Variants in PPARGC1B observed in about 807,000 individuals in gnomAD.
PPARGC1B encodes PPARG coactivator 1 beta, also known as peroxisome proliferator-activated receptor gamma coactivator 1-beta.
Under a neutral mutation model 101.6 loss-of-function variants are expected in PPARGC1B, and 34 were observed. The ratio of observed to expected loss-of-function variants is 0.33; its 90% confidence interval spans 0.25 to 0.45. PPARGC1B has a LOEUF of 0.45. Among genes scored for constraint, PPARGC1B ranks in the 20% least tolerant of loss-of-function variants. PPARGC1B has a pLI of 1.00. For synonymous variants in PPARGC1B, 548 were observed against 539.3 expected (o/e 1.02, Z -0.22); for missense variants, 1,234 against 1,317.6 (o/e 0.94, Z 0.98).
chr5:149,826,780 C>G lies in PPARGC1B; in HGVS notation c.360C>G (p.Asp120Glu). The change falls in exon 3 of 12, where the codon GAC becomes GAG. Residue 120 changes from aspartate to glutamate, a missense_variant. Around this residue, in one of 3 missense-constraint regions of PPARGC1B, gnomAD observed 734 missense variants for 768.4 expected, o/e 0.96. Transcript: ENST00000309241. ...LAAFPALDGG[D>E]ALSCTSASPA... ...CCTTCCCAGCCCTGGATGGTGGAGA[C>G]GCTCTATCATGCACCTCAGCTTCGC... 6.2e-7 allele frequency: 1 copy of G among 1,613,814 alleles called. No individual in the cohort carries two copies. Among genetic ancestry groups the G allele is most frequent in the Non-Finnish European group, 8.5e-7 (1 of 1,179,774 alleles).
chr5:149,749,127 G>A (rs751078776), intron 1 of PPARGC1B, among the ~76,000 whole-genome samples: 15 of 152,108 alleles, frequency 9.9e-5, no homozygotes, highest in Admixed American at 9.2e-4. Flanking sequence ...AGCAGGAATC[G>A]GTGGGGCCAG....
intron 1 of PPARGC1B, chr5:149,772,158 G>T (rs753791170): frequency 3.1e-6 from 5 of 1,607,810 alleles, no homozygotes; most frequent in Admixed American, 1.7e-5. Flanking sequence ...TGGGCCAGAG[G>T]TTGTTTAGGT....
intron 1 of PPARGC1B, among the ~76,000 whole-genome samples, chr5:149,778,556 G>T (rs1428655634): frequency 6.6e-6 from 1 of 152,072 alleles, no homozygotes; most frequent in Non-Finnish European, 1.5e-5. Flanking sequence ...AGCTGCTTGC[G>T]GCTGCCATTG....
intron 1 of PPARGC1B, among the ~76,000 whole-genome samples, chr5:149,819,785 G>A (rs1265043782): frequency 1.3e-5 from 2 of 152,220 alleles, no homozygotes. Flanking sequence ...TTACAGGCAT[G>A]AGCCACCATG....
chr5:149,732,342 G>A (rs538920235), intron 1 of PPARGC1B, among the ~76,000 whole-genome samples: 1 of 152,340 alleles, frequency 6.6e-6, no homozygotes, highest in East Asian at 1.9e-4. Context: ...CTGAAAAGCG[G>A]ATGAGAGAGG....
chr5:149,794,925 G>T (rs1757156230), intron 1 of PPARGC1B, among the ~76,000 whole-genome samples: 1 of 152,226 alleles, frequency 6.6e-6, no homozygotes, highest in Non-Finnish European at 1.5e-5. Context: ...CTGTGAGGGG[G>T]CCATTGCCCC....
At chr5:149,838,169 T>A (rs1408145473) in intron 8 of PPARGC1B, among the ~76,000 whole-genome samples, 1 of 152,232 alleles carries the variant, frequency 6.6e-6, no homozygotes, top group African/African-American at 2.4e-5. Context: ...TTTATGTTTA[T>A]ACATCTACAA....
intron 2 of PPARGC1B, among the ~76,000 whole-genome samples, chr5:149,824,708 G>A (rs936787420): frequency 6.6e-6 from 1 of 152,158 alleles, no homozygotes; most frequent in Non-Finnish European, 1.5e-5. Flanking sequence ...AGGGTTGAAG[G>A]AGACTTGTGG....
chr5:149,810,286 C>A (rs1402159704), intron 1 of PPARGC1B, among the ~76,000 whole-genome samples: 2 of 152,256 alleles, frequency 1.3e-5, no homozygotes, highest in Non-Finnish European at 2.9e-5. Context: ...GCAGAATATA[C>A]TTCAACCTTA....
chr5:149,784,557 T>C (rs978330362), intron 1 of PPARGC1B, among the ~76,000 whole-genome samples: 5 of 128,786 alleles, frequency 3.9e-5, no homozygotes, highest in African/African-American at 1.6e-4. Context: ...GCCAACTGAG[T>C]TTCTTTTTTT....
intron 11 of PPARGC1B, chr5:149,846,414 A>G (rs961998482): frequency 5.8e-6 from 1 of 172,172 alleles, no homozygotes; most frequent in African/African-American, 2.4e-5. Context: ...CAAGAGGATC[A>G]CTTGAGCCCA....
rs541164323 is a variant in PPARGC1B, at chr5:149,833,242, C to T, written c.1169C>T (p.Ser390Leu). The part of the protein sequence containing the change: ...DSQASPGRPS[S>L]VEEVRIAASP... Reference sequence around the variant, plus strand: ...CAGGCCTCCCCTGGTCGCCCGTCCTCGGTGGAGGAGGTAAGGATCGCAGCT... The same window carrying T: ...CAGGCCTCCCCTGGTCGCCCGTCCTTGGTGGAGGAGGTAAGGATCGCAGCT... The change falls in exon 5 of 12, where the codon TCG (serine) becomes TTG (leucine). Residue 390 changes from serine (S) to leucine (L), a missense_variant. Transcript: ENST00000309241. The surrounding 1 kb of genome is among the most constrained non-coding windows in gnomAD (Gnocchi z 4.1). 1.5e-5 allele frequency: 24 copies of T among 1,613,320 alleles called. No homozygotes were observed. The highest frequency in any genetic ancestry group is 8.0e-5 in the African/African-American group (6 of 75,064).
At chr5:149,811,881 C>G (rs1757879366) in intron 1 of PPARGC1B, among the ~76,000 whole-genome samples, 1 of 152,212 alleles carries the variant, frequency 6.6e-6, no homozygotes, top group Non-Finnish European at 1.5e-5. Context: ...GCCTTGGTCC[C>G]TGGAAACTGG....
chr5:149,819,500 TTTTG>T (rs1296479129), intron 1 of PPARGC1B, among the ~76,000 whole-genome samples: 1 of 150,790 alleles, frequency 6.6e-6, no homozygotes, highest in Non-Finnish European at 1.5e-5. Context: ...TTTTGTTTTT[TTTTG>T]TTTGTTTTTC....
chr5:149,830,320 A>G (rs374308355), intron 3 of PPARGC1B, among the ~76,000 whole-genome samples: 17 of 152,150 alleles, frequency 1.1e-4, no homozygotes, highest in African/African-American at 4.1e-4. Context: ...TAATATGAAT[A>G]AACAGAAAGA....
At chr5:149,844,889 C>T (rs1210494551) in intron 10 of PPARGC1B, among the ~76,000 whole-genome samples, 1 of 152,166 alleles carries the variant, frequency 6.6e-6, no homozygotes, top group Non-Finnish European at 1.5e-5. Context: ...TGGTCCTTCT[C>T]GGGCAGACTT....
At chr5:149,846,232 G>T in intron 11 of PPARGC1B, 1 of 557,310 alleles carries the variant, frequency 1.8e-6, no homozygotes, top group South Asian at 2.6e-5. Flanking sequence ...ACTTCACAGG[G>T]CCAGCTGCTA....
intron 1 of PPARGC1B, among the ~76,000 whole-genome samples, chr5:149,800,633 C>T (rs973515610): frequency 6.6e-6 from 1 of 152,208 alleles, no homozygotes; most frequent in African/African-American, 2.4e-5. Flanking sequence ...CACAGAGGCA[C>T]CTGGTAAACA....
At position 149,847,676 on chromosome 5, in the gene PPARGC1B, G is replaced by A. The variant is rs573131790; in HGVS notation, c.*118G>A. On this transcript the variant is annotated 3_prime_UTR_variant, in exon 12 of 12. Transcript: ENST00000309241. ...AGCGAGCGAGCGTGAGAGAACACCC[G>A]TGAGAGAGACTTGAAACTGCTGTCC... The A allele has an allele frequency of 1.9e-5, 14 of 718,580 alleles. No homozygotes were observed. The highest frequency in any genetic ancestry group is 5.3e-5 in the African/African-American group (3 of 56,316). The allele number at this position is 718,580 out of a possible 1,614,324, so 44.5% of individuals were successfully genotyped here.
Sources: allele counts gnomAD v4.1 joint callset (sites outside exome capture counted in the v4.1 genomes callset), GRCh38; gene constraint gnomAD v4.1.1; regional missense constraint gnomAD v4.1.1; non-coding constraint Gnocchi (gnomAD v3.1); transcripts MANE v1.5; gene names NCBI Gene and HGNC (gene_info 2026-07-23, HGNC 2026-07-21).